The following CTNNA2 variants were observed in gnomAD, a reference collection of about 807,000 sequenced individuals.
CTNNA2 encodes catenin alpha 2, also known as catenin alpha-2.
CTNNA2 carries 42 observed loss-of-function variants against 101.0 expected under a neutral mutation model. The observed-to-expected ratio is 0.42, with a 90% CI of 0.32 to 0.54. The LOEUF (loss-of-function observed/expected upper bound fraction) is 0.54. CTNNA2 is among the 20% of genes least tolerant of loss of function. The pLI, the probability that CTNNA2 is intolerant of heterozygous loss-of-function variation, is 0.14. For synonymous variants in CTNNA2, 450 were observed against 456.4 expected (o/e 0.99, Z 0.18); for missense variants, 871 against 1,223.1 (o/e 0.71, Z 4.29).
chr2:79,280,505 C>T (rs1413078702), intron 2 of CTNNA2, among the ~76,000 whole-genome samples: 1 of 152,012 alleles, frequency 6.6e-6, no homozygotes, highest in Non-Finnish European at 1.5e-5. Flanking sequence ...GTCCTGGTTC[C>T]TCCACTAGAC....
At chr2:80,610,677 CA>C (rs1698390197) in intron 17 of CTNNA2, among the ~76,000 whole-genome samples, 2 of 151,588 alleles carry the variant, frequency 1.3e-5, no homozygotes, top group African/African-American at 4.8e-5. Context: ...ATTTTGATGT[CA>C]AAACAGAGAG....
At chr2:79,637,487 C>G (rs1204456109) in intron 1 of CTNNA2, among the ~76,000 whole-genome samples, 5 of 152,142 alleles carry the variant, frequency 3.3e-5, no homozygotes, top group African/African-American at 1.2e-4. Context: ...ATGTATTGAG[C>G]TATTTGATGG....
intron 3 of CTNNA2, among the ~76,000 whole-genome samples, chr2:79,815,403 C>T (rs988957667): frequency 5.9e-5 from 9 of 152,068 alleles, no homozygotes; most frequent in South Asian, 2.1e-4. Flanking sequence ...TATAGTTTCA[C>T]GACTTAGATT....
At chr2:80,280,999 C>G (rs894052163) in intron 7 of CTNNA2, among the ~76,000 whole-genome samples, 4 of 151,948 alleles carry the variant, frequency 2.6e-5, no homozygotes, top group Non-Finnish European at 5.9e-5. Context: ...TTGATTTTCC[C>G]CCTCGGTTTA....
intron 1 of CTNNA2, among the ~76,000 whole-genome samples, chr2:79,563,346 C>A (rs1261522659): frequency 6.6e-6 from 1 of 151,902 alleles, no homozygotes; most frequent in East Asian, 1.9e-4. Context: ...AATAACATAA[C>A]CTTTGTCTCC....
In CTNNA2 at chr2:80,380,028, C is replaced by CTT. The variant is rs769794108; in HGVS notation, c.1057-13158_1057-13157dup. 5.7e-4 allele frequency among the ~76,000 whole-genome samples: 49 copies of CTT among 86,524 alleles called. 3 individuals carry two copies. The highest frequency in any genetic ancestry group is 5.8e-4 in the African/African-American group (10 of 17,248). The allele number at this position is 86,524 out of a possible 152,430, so 56.8% of individuals were successfully genotyped here. A position where few individuals can be genotyped will look rare whatever the true frequency, so the allele number is the denominator to read the frequency against. Reference sequence around the variant, plus strand: ...AATGTCTTGCACTGTTCGAGATGTACTTTTTTTTTTTTTTTTTTTTTTTTT... The same window carrying CTT: ...AATGTCTTGCACTGTTCGAGATGTACTTTTTTTTTTTTTTTTTTTTTTTTTTT... On this transcript the variant is annotated intron_variant, in intron 7 of 18. Coordinates refer to ENST00000402739, the MANE Select transcript of CTNNA2 (RefSeq NM_001282597.3).
chr2:79,744,260 G>C, intron 2 of CTNNA2, 127 bp from the exon 3 acceptor site: 1 of 838,488 alleles, frequency 1.2e-6, no homozygotes, highest in South Asian at 2.0e-5. Context: ...GCTAAGTGAT[G>C]TGCATTCATG....
intron 4 of CTNNA2, among the ~76,000 whole-genome samples, chr2:79,378,118 T>C (rs1677999546): frequency 6.6e-6 from 1 of 152,174 alleles, no homozygotes; most frequent in Non-Finnish European, 1.5e-5. Context: ...GGTCTTTCTA[T>C]TCCTACACAC....
chr2:79,219,978 A>G (rs1038413574), intron 2 of CTNNA2, among the ~76,000 whole-genome samples: 1 of 152,140 alleles, frequency 6.6e-6, no homozygotes, highest in Non-Finnish European at 1.5e-5. Context: ...TCCTCCTAGG[A>G]GTTTTCCTAT....
chr2:80,339,211 C>T (rs1452690300), intron 7 of CTNNA2, among the ~76,000 whole-genome samples: 2 of 151,952 alleles, frequency 1.3e-5, no homozygotes, highest in Non-Finnish European at 2.9e-5. Context: ...GTGTATCACA[C>T]CCATCCATTG....
intron 9 of CTNNA2, among the ~76,000 whole-genome samples, chr2:80,536,869 T>G (rs548503560): frequency 5.3e-5 from 8 of 152,040 alleles, no homozygotes; most frequent in African/African-American, 1.9e-4. Flanking sequence ...CTGTGTGGGG[T>G]TTTCTTTGTG....
intron 12 of CTNNA2, among the ~76,000 whole-genome samples, chr2:80,562,281 A>G (rs549671751): frequency 2.0e-5 from 3 of 152,310 alleles, no homozygotes; most frequent in Admixed American, 2.0e-4. Flanking sequence ...CTCTCAGCAT[A>G]AGAGGCTGAA....
At chr2:79,232,451 T>A (rs13406244) in intron 2 of CTNNA2, among the ~76,000 whole-genome samples, 13,166 of 152,220 alleles carry the variant, frequency 0.086, 781 homozygotes, top group East Asian at 0.18. Context: ...GCTTCTGGAT[T>A]CAGTTTGTCG....
At chr2:80,041,511 G>T (rs1262952797) in intron 7 of CTNNA2, among the ~76,000 whole-genome samples, 1 of 152,078 alleles carries the variant, frequency 6.6e-6, no homozygotes, top group Non-Finnish European at 1.5e-5. Flanking sequence ...GCAGCTGCTT[G>T]TATATAAAGA....
chr2:79,305,523 T>G (rs539895544), intron 2 of CTNNA2, among the ~76,000 whole-genome samples: 1 of 148,924 alleles, frequency 6.7e-6, no homozygotes, highest in Admixed American at 6.7e-5. Context: ...TTCTACACTC[T>G]TTTTGCTTTC....
chr2:79,448,822 C>A (rs977543358), intron 4 of CTNNA2, among the ~76,000 whole-genome samples: 4 of 151,976 alleles, frequency 2.6e-5, no homozygotes, highest in Admixed American at 2.0e-4. Flanking sequence ...GAAATCAAAG[C>A]TTGAGAGATG....
chr2:80,117,077 C>A (rs1283133563), intron 7 of CTNNA2, among the ~76,000 whole-genome samples: 1 of 152,024 alleles, frequency 6.6e-6, no homozygotes, highest in Non-Finnish European at 1.5e-5. Flanking sequence ...TCAAGAGTAC[C>A]TTTCCACTAT....
At chr2:79,534,907 A>G (rs1456833549) in intron 1 of CTNNA2, among the ~76,000 whole-genome samples, 1 of 151,766 alleles carries the variant, frequency 6.6e-6, no homozygotes, top group African/African-American at 2.4e-5. Flanking sequence ...AGGGTGAAAA[A>G]AAAAAACTCC....
At chr2:80,140,424 C>T (rs1302506519) in intron 7 of CTNNA2, among the ~76,000 whole-genome samples, 1 of 152,136 alleles carries the variant, frequency 6.6e-6, no homozygotes, top group Non-Finnish European at 1.5e-5. Context: ...GAAGCATAAG[C>T]TTCAGGGTTT....
Sources: allele counts gnomAD v4.1 joint callset (sites outside exome capture counted in the v4.1 genomes callset), GRCh38; gene constraint gnomAD v4.1.1; transcripts MANE v1.5; gene names NCBI Gene and HGNC (gene_info 2026-07-23, HGNC 2026-07-21).